LRRC20: variants seen among roughly 807,000 people sequenced by gnomAD.
LRRC20 encodes the protein leucine-rich repeat-containing protein 20.
Under a neutral mutation model 14.4 loss-of-function variants are expected in LRRC20, and 11 were observed. That is an observed-to-expected ratio of 0.77 (90% CI 0.48 to 1.27). LRRC20 has a LOEUF of 1.27. Ranked by LOEUF, LRRC20 falls within the 50% of genes most tolerant of loss-of-function variation. LRRC20 has a pLI of 0.00. For synonymous variants in LRRC20, 121 were observed against 107.3 expected (o/e 1.13, Z -0.79); for missense variants, 219 against 251.2 (o/e 0.87, Z 0.87).
At chr10:70,368,135 C>T (rs370694566) in intron 2 of LRRC20, among the ~76,000 whole-genome samples, 1 of 147,028 alleles carries the variant, frequency 6.8e-6, no homozygotes, top group Non-Finnish European at 1.5e-5. Context: ...AGGCATGCAT[C>T]ACCATGCCTG....
At chr10:70,336,133 G>A (rs146242156) in intron 3 of LRRC20, among the ~76,000 whole-genome samples, 377 of 152,306 alleles carry the variant, frequency 2.5e-3, no homozygotes, top group Non-Finnish European at 4.7e-3. Flanking sequence ...ATGATACAGG[G>A]AGAATGCTCA....
At chr10:70,317,033 G>A (rs1024521321) in intron 4 of LRRC20, among the ~76,000 whole-genome samples, 2 of 152,196 alleles carry the variant, frequency 1.3e-5, no homozygotes, top group Non-Finnish European at 2.9e-5. Context: ...TGTGCTCAGG[G>A]GGCAATCCGA....
chr10:70,352,673 G>C (rs1278860199), intron 2 of LRRC20, among the ~76,000 whole-genome samples: 1 of 152,078 alleles, frequency 6.6e-6, no homozygotes, highest in African/African-American at 2.4e-5. Flanking sequence ...CCTGTTTGTG[G>C]GCAGTGGGGA....
At chr10:70,326,573 C>T (rs1387810318) in intron 3 of LRRC20, among the ~76,000 whole-genome samples, 3 of 152,220 alleles carry the variant, frequency 2.0e-5, no homozygotes, top group African/African-American at 7.2e-5. Context: ...AAGGTTCCAT[C>T]AACAGGTCCA....
intron 2 of LRRC20, among the ~76,000 whole-genome samples, chr10:70,348,457 C>T (rs924618268): frequency 6.6e-6 from 1 of 152,210 alleles, no homozygotes; most frequent in South Asian, 2.1e-4. Flanking sequence ...TAATAACAAC[C>T]ATAAACAACA....
chr10:70,361,856 C>T (rs954946602), intron 2 of LRRC20, among the ~76,000 whole-genome samples: 1 of 152,162 alleles, frequency 6.6e-6, no homozygotes, highest in Admixed American at 6.5e-5. Flanking sequence ...TAGCCAAAAA[C>T]AGTCAACTGA....
At chr10:70,302,052 G>A (rs976396011) in intron 4 of LRRC20, among the ~76,000 whole-genome samples, 5 of 152,136 alleles carry the variant, frequency 3.3e-5, no homozygotes, top group African/African-American at 9.7e-5. Context: ...GGTGGCTCAC[G>A]CCTGTAATCC....
At chr10:70,327,797 C>T (rs983099888) in intron 3 of LRRC20, among the ~76,000 whole-genome samples, 1 of 152,098 alleles carries the variant, frequency 6.6e-6, no homozygotes, top group Admixed American at 6.6e-5. Context: ...TCTCCCAACC[C>T]CCAAACCAGG....
At chr10:70,338,602 C>G (rs964441868) in intron 3 of LRRC20, among the ~76,000 whole-genome samples, 6 of 152,174 alleles carry the variant, frequency 3.9e-5, no homozygotes, top group Admixed American at 3.9e-4. Context: ...CCATGAACAT[C>G]CACGTGTAAT....
At chr10:70,379,417 A>G (rs1844625096) in intron 1 of LRRC20, among the ~76,000 whole-genome samples, 1 of 152,144 alleles carries the variant, frequency 6.6e-6, no homozygotes, top group Non-Finnish European at 1.5e-5. Flanking sequence ...CTAGATGAAA[A>G]CAAAAAACCC....
At chr10:70,333,874 G>A (rs1339889873) in intron 3 of LRRC20, among the ~76,000 whole-genome samples, 2 of 152,210 alleles carry the variant, frequency 1.3e-5, no homozygotes, top group Admixed American at 6.5e-5. Context: ...TTCTGGCCGG[G>A]TGCTGTGGCT....
At chr10:70,335,397 C>T (rs953545641) in intron 3 of LRRC20, among the ~76,000 whole-genome samples, 33 of 152,178 alleles carry the variant, frequency 2.2e-4, no homozygotes, top group African/African-American at 7.7e-4. Flanking sequence ...CGCCCGCCCG[C>T]GCCCACACAC....
At position 70,319,190 on chromosome 10, in the gene LRRC20, AG is replaced by A. The variant is rs1465135552; in HGVS notation, c.400+4672del. On this transcript the variant is annotated intron_variant, in intron 4 of 4. Transcript: ENST00000446961. ...TGTATAGGGAAAAAAAAAAAAAAAA[AG>A]AAAGAAACAGAGAACTGAAGGTTAC... 9.3e-3 allele frequency among the ~76,000 whole-genome samples: 1,392 copies of A among 150,198 alleles called. 22 individuals carry two copies. The highest frequency in any genetic ancestry group is 0.033 in the African/African-American group (1,335 of 40,488).
chr10:70,373,493 C>G (rs1208347812), intron 2 of LRRC20, among the ~76,000 whole-genome samples: 4 of 152,188 alleles, frequency 2.6e-5, no homozygotes, highest in South Asian at 2.1e-4. Flanking sequence ...TTAGACCCAG[C>G]CCCCTTAGAG....
At chr10:70,354,247 C>T (rs190317028) in intron 2 of LRRC20, among the ~76,000 whole-genome samples, 156 of 152,162 alleles carry the variant, frequency 1.0e-3, no homozygotes, top group African/African-American at 3.6e-3. Context: ...CCCTGGGTGA[C>T]TCTAACGTGC....
rs543465840 is a variant in LRRC20, at chr10:70,371,723, G to A, written c.82+4729C>T. ...ACTCTGCATGCTCCTTAGAAACATC[G>A]AGAAGATGATGCTGAGGAGGGGTGA... On this transcript the variant is annotated intron_variant, in intron 2 of 4. Transcript: ENST00000446961. Among the ~76,000 whole-genome samples the A allele has an allele frequency of 3.5e-4, 53 of 152,210 alleles. No homozygotes were observed. In the South Asian group the frequency reaches 8.5e-3, roughly 24 times the overall value.
At position 70,300,350 on chromosome 10, in the gene LRRC20, C is replaced by G; in HGVS notation, c.*1004G>C. 2.0e-6 allele frequency: 2 copies of G among 985,356 alleles called. No individual in the cohort carries two copies. Among genetic ancestry groups the G allele is most frequent in the Non-Finnish European group, 2.4e-6 (2 of 829,846 alleles). 61.0% of individuals were successfully genotyped at this position (985,356 alleles called of 1,614,324 possible). A position where few individuals can be genotyped will look rare whatever the true frequency, so the allele number is the denominator to read the frequency against. ...ACAGCTGGTCACCCTGTTGCCTGAC[C>G]ATACCCTAAGATGCCAGGTTGAGGG... On this transcript the variant is annotated 3_prime_UTR_variant, in exon 5 of 5. Transcript: ENST00000446961.
chr10:70,302,926 G>T (rs1244949945), intron 4 of LRRC20, among the ~76,000 whole-genome samples: 3 of 151,934 alleles, frequency 2.0e-5, no homozygotes, highest in African/African-American at 4.8e-5. Context: ...TAGCCAGGAT[G>T]GTCTCGATCT....
At chr10:70,368,497 C>A (rs974727202) in intron 2 of LRRC20, among the ~76,000 whole-genome samples, 2 of 151,648 alleles carry the variant, frequency 1.3e-5, no homozygotes, top group Middle Eastern at 3.4e-3. Flanking sequence ...ACCATGTTGG[C>A]CAGGCTGGTG....
Sources: allele counts gnomAD v4.1 joint callset (sites outside exome capture counted in the v4.1 genomes callset), GRCh38; gene constraint gnomAD v4.1.1; transcripts MANE v1.5; gene names NCBI Gene and HGNC (gene_info 2026-07-23, HGNC 2026-07-21).